The following F13B variants were observed in gnomAD, a reference collection of about 807,000 sequenced individuals.
F13B encodes coagulation factor XIII B chain, also known as TGase.
A neutral mutation model predicts 79.8 loss-of-function variants in F13B; 58 were observed. The ratio of observed to expected loss-of-function variants is 0.73; its 90% CI spans 0.59 to 0.90. The LOEUF is 0.90. Ranked by LOEUF, F13B falls within the 40% of genes least tolerant of loss-of-function variation. F13B has a pLI of 0.00. For missense variants in F13B, 773 were observed against 777.0 expected, an observed-to-expected ratio of 0.99 and a Z score of 0.06; for synonymous variants, 283 against 260.3, an observed-to-expected ratio of 1.09 and a Z score of -0.84.
intron 9 of F13B, 122 bp from the exon 10 acceptor site, chr1:197,051,001 GA>G: frequency 1.2e-6 from 1 of 802,508 alleles, no homozygotes; most frequent in Non-Finnish European, 2.0e-6. Context: ...GCATGATCAT[GA>G]CTCACTGCAA....
chr1:197,061,124 A>G, intron 3 of F13B, 49 bp from the exon 4 acceptor site: 1 of 918,912 alleles, frequency 1.1e-6, no homozygotes, highest in Non-Finnish European at 1.6e-6. Flanking sequence ...AATAACCTAG[A>G]TTATAAAAAA....
At chr1:197,041,918 T>A (rs1655051018) in intron 10 of F13B, among the ~76,000 whole-genome samples, 1 of 152,182 alleles carries the variant, frequency 6.6e-6, no homozygotes, top group Admixed American at 6.5e-5. Flanking sequence ...TTTCCTTTCT[T>A]TTTAAGTTAA....
chr1:197,058,620 C>G (rs1655732329), intron 5 of F13B, among the ~76,000 whole-genome samples: 1 of 152,156 alleles, frequency 6.6e-6, no homozygotes, highest in African/African-American at 2.4e-5. Flanking sequence ...GTCAATCTCC[C>G]TCTGCCTCCC....
intron 3 of F13B, among the ~76,000 whole-genome samples, 175 bp from the exon 4 acceptor site, chr1:197,061,250 A>G (rs1655850954): frequency 1.3e-5 from 2 of 152,040 alleles, no homozygotes; most frequent in Non-Finnish European, 2.9e-5. Context: ...ACACCTTGTG[A>G]CCTAACTCTA....
rs17514613 is a variant in F13B, at chr1:197,055,376, G to A, written c.1354+339C>T. ...TTCTTCTTGAAATGACATTCTGAGGGCAATACAAGCAGAGATATTGAGGGC... is the reference window on the plus strand; with the variant it reads ...TTCTTCTTGAAATGACATTCTGAGGACAATACAAGCAGAGATATTGAGGGC... On this transcript the variant is annotated intron_variant, in intron 8 of 11. Transcript: ENST00000367412. Among the ~76,000 whole-genome samples the A allele has an allele frequency of 2.6e-3, 390 of 151,922 alleles. 1 individual carries two copies. The highest frequency in any genetic ancestry group is 9.2e-3 in the African/African-American group (382 of 41,482).
chr1:197,046,804 C>T (rs1023131733), intron 10 of F13B, among the ~76,000 whole-genome samples: 1 of 152,032 alleles, frequency 6.6e-6, no homozygotes, highest in African/African-American at 2.4e-5. Context: ...ATACTGGTAC[C>T]AAAACAGATA....
Position 197,052,742 on chromosome 1 carries a change from C to A in F13B, c.1447G>T (p.Asp483Tyr). ...EGKVLHGDLI[D>Y]FVCKQGYDLS... ...TCATATCCCTGTTTACATACAAAAT[C>A]TATTAAATCTCCATGTAAGACTTTC... Residue 483 changes from aspartate (D) to tyrosine (Y), a missense_variant, in exon 9 of 12, where the codon GAT (aspartate) becomes TAT (tyrosine). Coordinates refer to ENST00000367412, the MANE Select transcript of F13B (RefSeq NM_001994.3). 1 of 1,611,186 alleles carries A rather than the reference C, an allele frequency of 6.2e-7. No individual in the cohort carries two copies. The highest frequency in any genetic ancestry group is 8.5e-7 in the Non-Finnish European group (1 of 1,178,240).
chr1:197,064,558 C>G (rs964356166), intron 1 of F13B, among the ~76,000 whole-genome samples: 2 of 152,086 alleles, frequency 1.3e-5, no homozygotes, highest in African/African-American at 4.8e-5. Flanking sequence ...AGAAAACAAA[C>G]TAATCCATGA....
At chr1:197,050,003 A>G (rs1655386026) in intron 10 of F13B, among the ~76,000 whole-genome samples, 2 of 152,144 alleles carry the variant, frequency 1.3e-5, no homozygotes, top group Non-Finnish European at 2.9e-5. Flanking sequence ...GGCAAAATAG[A>G]AAGAAAGGTT....
At position 197,040,557 on chromosome 1, in the gene F13B, C is replaced by A. The variant is rs920890454; in HGVS notation, c.1917G>T (p.Gly639=). ...GSILRMQCDR[G]QLKYPRCIPR... ...GAATACATCTTGGATATTTTAACTG[C>A]CCTCTGTCACATTGCATTCTAAGTA... The change falls in exon 11 of 12, where the codon GGG becomes GGT. Residue 639 remains glycine (G), a synonymous_variant. Transcript: ENST00000367412. The A allele has an allele frequency of 1.2e-6, 2 of 1,612,370 alleles. No individual in the cohort carries two copies. Among genetic ancestry groups the A allele is most frequent in the South Asian group, 2.2e-5 (2 of 90,990 alleles).
Position 197,062,718 on chromosome 1 carries a change from T to C in F13B, c.265+139A>G, listed in dbSNP as rs139405340. Reference sequence around the variant, plus strand: ...TGGATTTCAAATTATGCCTTCATTTTGTAGAAAGACAGATTGCTAGTGATT... The same window carrying C: ...TGGATTTCAAATTATGCCTTCATTTCGTAGAAAGACAGATTGCTAGTGATT... On this transcript the variant is annotated intron_variant, in intron 2 of 11. Coordinates refer to ENST00000367412, the MANE Select transcript of F13B (RefSeq NM_001994.3). 794 of 775,660 alleles carry C rather than the reference T, an allele frequency of 1.0e-3. 6 individuals are homozygous for C. The East Asian group carries it at 0.018, about 17-fold the overall frequency. 48.0% of individuals were successfully genotyped at this position (775,660 alleles called of 1,614,324 possible). A position where few individuals can be genotyped will look rare whatever the true frequency, so the allele number is the denominator to read the frequency against.
At chr1:197,046,001 G>C (rs1451234856) in intron 10 of F13B, among the ~76,000 whole-genome samples, 2 of 152,148 alleles carry the variant, frequency 1.3e-5, no homozygotes, top group African/African-American at 4.8e-5. Flanking sequence ...ACAAGGTATT[G>C]AGGGAATGTA....
At position 197,043,802 on chromosome 1, in the gene F13B, G is replaced by A. The variant is rs1339821988; in HGVS notation, c.1739-3067C>T. ...AAAATATAGATTTAAAGAGACAATGGCATAGCAAAAAGATGTAATATATGT... is the reference window on the plus strand; with the variant it reads ...AAAATATAGATTTAAAGAGACAATGACATAGCAAAAAGATGTAATATATGT... On this transcript the variant is annotated intron_variant, in intron 10 of 11. Transcript: ENST00000367412. Among the ~76,000 whole-genome samples, 3 of 151,912 alleles carry A rather than the reference G, an allele frequency of 2.0e-5. No homozygotes were observed. In the East Asian group the frequency reaches 5.8e-4, roughly 29 times the overall value.
At position 197,062,768 on chromosome 1, in the gene F13B, A is replaced by C. The variant is rs1318073886; in HGVS notation, c.265+89T>G. 3 of 1,280,716 alleles carry C rather than the reference A, an allele frequency of 2.3e-6. No homozygotes were observed. The African/African-American group carries it at 4.4e-5, about 19-fold the overall frequency. The allele number at this position is 1,280,716 out of a possible 1,614,324, so 79.3% of individuals were successfully genotyped here. A position where few individuals can be genotyped will look rare whatever the true frequency, so the allele number is the denominator to read the frequency against. On this transcript the variant is annotated intron_variant, in intron 2 of 11. Coordinates refer to ENST00000367412, the MANE Select transcript of F13B (RefSeq NM_001994.3). ...TTTGTTCTTATCTACTAAAAGGTTT[A>C]ACCGCTTTCCATTTTTATTGGACCC...
chr1:197,066,179 T>C (rs1422742082), intron 1 of F13B, among the ~76,000 whole-genome samples: 1 of 152,146 alleles, frequency 6.6e-6, no homozygotes, highest in Non-Finnish European at 1.5e-5. Context: ...GAATTAAAAG[T>C]ATAAAATAAG....
At chr1:197,062,783 T>C (rs1655909717) in intron 2 of F13B, 74 bp downstream of exon 2, 1 of 1,447,184 alleles carries the variant, frequency 6.9e-7, no homozygotes, top group South Asian at 1.1e-5. Flanking sequence ...CTTTCCATTT[T>C]TATTGGACCC....
At chr1:197,066,499 C>T (rs1558314056) in intron 1 of F13B, among the ~76,000 whole-genome samples, 1 of 152,120 alleles carries the variant, frequency 6.6e-6, no homozygotes, top group African/African-American at 2.4e-5. Flanking sequence ...ATTGGGCAAT[C>T]TGACTATAAA....
chr1:197,048,471 C>G (rs1048037363), intron 10 of F13B, among the ~76,000 whole-genome samples: 2 of 151,684 alleles, frequency 1.3e-5, no homozygotes, highest in Non-Finnish European at 2.9e-5. Context: ...TCAAAAGCCC[C>G]TTGGTGCAGC....
rs147441273 is a variant in F13B at position 197,040,830 on chromosome 1, G to A, written c.1739-95C>T. The A allele has an allele frequency of 3.4e-5, 33 of 972,438 alleles. No individual in the cohort carries two copies. In the African/African-American group the frequency reaches 4.0e-4, roughly 12 times the overall value. 60.2% of individuals were successfully genotyped at this position (972,438 alleles called of 1,614,324 possible). On this transcript the variant is annotated intron_variant, in intron 10 of 11. Transcript: ENST00000367412. ...AGGAATCGTTGTGTTGCCTACTCAT[G>A]AGGACCTTAAAATTCTCAGGCCTAA... is the stretch of plus-strand genomic sequence containing the variant.
Sources: gnomAD v4.1 joint callset for allele counts (sites outside exome capture counted in the v4.1 genomes callset) on GRCh38, gnomAD v4.1.1 for gene constraint, MANE v1.5 for transcripts, NCBI Gene and HGNC (gene_info 2026-07-23, HGNC 2026-07-21) for gene names.